TNFRSF19: variants seen among roughly 807,000 people sequenced by gnomAD.
The protein encoded by TNFRSF19 is TNF receptor superfamily member 19, also known as tumor necrosis factor receptor superfamily member 19.
TNFRSF19 carries 27 observed loss-of-function variants against 46.4 expected under a neutral mutation model. The ratio of observed to expected loss-of-function variants is 0.58; its 90% CI spans 0.43 to 0.80. The LOEUF (loss-of-function observed/expected upper bound fraction) is 0.80. Among genes scored for constraint, TNFRSF19 ranks in the 30% least tolerant of loss-of-function variants. The probability of loss-of-function intolerance (pLI) is 0.00; values close to 1 mark genes in which losing one functional copy is unlikely to be tolerated. For missense variants in TNFRSF19, 511 were observed against 530.8 expected (o/e 0.96, Z 0.37); for synonymous variants, 204 against 205.0 (o/e 1.00, Z 0.04).
chr13:23,663,381 G>T (rs748854607), intron 7 of TNFRSF19, among the ~76,000 whole-genome samples: 18 of 152,156 alleles, frequency 1.2e-4, no homozygotes, highest in Non-Finnish European at 2.4e-4. Flanking sequence ...GATCGTGGTG[G>T]ATTAGCTTTT....
At position 23,594,206 on chromosome 13, in the gene TNFRSF19, A is replaced by G. The variant is rs1284594231; in HGVS notation, c.180+751A>G. 4 of 451,330 alleles carry G rather than the reference A, an allele frequency of 8.9e-6. 1 individual carries two copies. The highest frequency in any genetic ancestry group is 6.2e-5 in the South Asian group (4 of 64,126). The allele number at this position is 451,330 out of a possible 1,614,324, so 28.0% of individuals were successfully genotyped here. A position where few individuals can be genotyped will look rare whatever the true frequency, so the allele number is the denominator to read the frequency against. On this transcript the variant is annotated intron_variant, in intron 3 of 9. Transcript: ENST00000248484. ...GGGCAGACACTGAGCTAGCTGCAGG[A>G]GTTTTTTTTTCATACCCTAGTGGCA...
intron 7 of TNFRSF19, among the ~76,000 whole-genome samples, chr13:23,663,602 T>A (rs1884514742): frequency 6.6e-6 from 1 of 152,168 alleles, no homozygotes; most frequent in South Asian, 2.1e-4. Flanking sequence ...CTCTTCTTTG[T>A]CATGTGGTAG....
intron 4 of TNFRSF19, among the ~76,000 whole-genome samples, chr13:23,625,344 T>TA (rs1351773057): frequency 1.3e-5 from 2 of 149,774 alleles, no homozygotes; most frequent in African/African-American, 4.9e-5. Flanking sequence ...TTTTTTTTTT[T>TA]TTGAGACAGA....
intron 3 of TNFRSF19, among the ~76,000 whole-genome samples, chr13:23,612,840 T>A (rs1880996234): frequency 6.6e-6 from 1 of 152,196 alleles, no homozygotes; most frequent in Admixed American, 6.5e-5. Context: ...AAAAGAGTTG[T>A]GACACTCAAA....
At chr13:23,590,510 T>G (rs908776162) in intron 2 of TNFRSF19, among the ~76,000 whole-genome samples, 1 of 152,132 alleles carries the variant, frequency 6.6e-6, no homozygotes, top group African/African-American at 2.4e-5. Context: ...AATTTTTGTA[T>G]TTTTAGTAGA....
chr13:23,581,063 T>C (rs1878376537), intron 1 of TNFRSF19, among the ~76,000 whole-genome samples: 1 of 152,224 alleles, frequency 6.6e-6, no homozygotes, highest in Non-Finnish European at 1.5e-5. Flanking sequence ...GAATATGCAG[T>C]TATGGACACA....
intron 1 of TNFRSF19, among the ~76,000 whole-genome samples, chr13:23,578,610 G>A (rs1878133577): frequency 1.3e-5 from 2 of 152,294 alleles, no homozygotes; most frequent in Middle Eastern, 6.8e-3. Context: ...CGTGAGAAAC[G>A]GTGGATGCCT....
At chr13:23,640,993 A>C (rs1883007995) in intron 5 of TNFRSF19, among the ~76,000 whole-genome samples, 2 of 152,204 alleles carry the variant, frequency 1.3e-5, no homozygotes, top group Non-Finnish European at 1.5e-5. Context: ...AATAAGTCCA[A>C]ACCCAGGTCG....
chr13:23,630,294 C>A (rs1208960206), intron 5 of TNFRSF19, among the ~76,000 whole-genome samples: 1 of 136,338 alleles, frequency 7.3e-6, no homozygotes, highest in African/African-American at 2.8e-5. Context: ...CAGAGTAAGA[C>A]CCTGTCTTAA....
At position 23,594,080 on chromosome 13, in the gene TNFRSF19, C is replaced by T. The variant is rs189486884; in HGVS notation, c.180+625C>T. On this transcript the variant is annotated intron_variant, in intron 3 of 9. Coordinates refer to ENST00000248484, the MANE Select transcript of TNFRSF19 (RefSeq NM_148957.4). Reference sequence around the variant, plus strand: ...ATGGTGCACTCCAACCCGGATACTACGCTTTTCCCATTGTCTGTGCAACCC... The same window carrying T: ...ATGGTGCACTCCAACCCGGATACTATGCTTTTCCCATTGTCTGTGCAACCC... 350 of 321,938 alleles carry T rather than the reference C, an allele frequency of 1.1e-3. 3 individuals are homozygous for T. Among genetic ancestry groups the T allele is most frequent in the African/African-American group, 6.2e-3 (282 of 45,180 alleles). The allele number at this position is 321,938 out of a possible 1,614,324, so 19.9% of individuals were successfully genotyped here. A position where few individuals can be genotyped will look rare whatever the true frequency, so the allele number is the denominator to read the frequency against.
intron 5 of TNFRSF19, among the ~76,000 whole-genome samples, chr13:23,629,838 C>T (rs1882239720): frequency 6.6e-6 from 1 of 152,198 alleles, no homozygotes; most frequent in Non-Finnish European, 1.5e-5. Context: ...CTCGGCCATA[C>T]CCTGACCCAG....
rs1429534216 is a variant in TNFRSF19, at chr13:23,669,025, A to C, written c.1173A>C (p.Ala391=). 18 of 1,614,094 alleles carry C rather than the reference A, an allele frequency of 1.1e-5. No individual in the cohort carries two copies. The Admixed American group carries it at 2.3e-4, about 21-fold the overall frequency. ...TLVESASTQD[A]LTMRSQLDQE... ...TAGAATCAGCATCAACTCAGGATGC[A>C]CTAACTATGAGAAGCCAGCTAGATC... Residue 391 remains alanine (A), a synonymous_variant, in exon 9 of 10, where the codon GCA becomes GCC. Coordinates refer to ENST00000248484, the MANE Select transcript of TNFRSF19 (RefSeq NM_148957.4).
chr13:23,583,366 G>A (rs1043755724), intron 1 of TNFRSF19, among the ~76,000 whole-genome samples: 3 of 152,130 alleles, frequency 2.0e-5, no homozygotes, highest in Admixed American at 1.3e-4. Context: ...ATTAAAGTGG[G>A]TATGAACATA....
chr13:23,643,247 C>A (rs182838058), intron 5 of TNFRSF19, among the ~76,000 whole-genome samples: 3 of 152,204 alleles, frequency 2.0e-5, no homozygotes, highest in African/African-American at 7.2e-5. Flanking sequence ...AAAGAAGTTT[C>A]TGCTTTTCTA....
At chr13:23,619,145 A>G (rs955677984) in intron 4 of TNFRSF19, among the ~76,000 whole-genome samples, 4 of 152,246 alleles carry the variant, frequency 2.6e-5, no homozygotes, top group Non-Finnish European at 5.9e-5. Context: ...CTATCAACTG[A>G]TAAATGGAAA....
At chr13:23,640,397 C>T (rs549832515) in intron 5 of TNFRSF19, among the ~76,000 whole-genome samples, 2 of 152,308 alleles carry the variant, frequency 1.3e-5, no homozygotes, top group East Asian at 3.9e-4. Flanking sequence ...GCCAGCTTAT[C>T]GCCAAGTAAG....
intron 3 of TNFRSF19, among the ~76,000 whole-genome samples, chr13:23,607,385 A>G (rs1181754414): frequency 6.6e-6 from 1 of 152,146 alleles, no homozygotes; most frequent in Non-Finnish European, 1.5e-5. Context: ...GTGAGCCGAG[A>G]TTGCACCACC....
intron 9 of TNFRSF19, among the ~76,000 whole-genome samples, chr13:23,670,499 T>C (rs1231658353): frequency 6.6e-6 from 1 of 152,222 alleles, no homozygotes; most frequent in East Asian, 1.9e-4. Flanking sequence ...ATACAAAGTA[T>C]CTACCTCTGA....
chr13:23,655,364 G>A (rs952831963), intron 5 of TNFRSF19, among the ~76,000 whole-genome samples: 9 of 152,200 alleles, frequency 5.9e-5, no homozygotes, highest in African/African-American at 2.2e-4. Context: ...AAAGGGTAGT[G>A]CTAACATTAT....
Sources: gnomAD v4.1 joint callset for allele counts (sites outside exome capture counted in the v4.1 genomes callset) on GRCh38, gnomAD v4.1.1 for gene constraint, MANE v1.5 for transcripts, NCBI Gene and HGNC (gene_info 2026-07-23, HGNC 2026-07-21) for gene names.